Variants in CSMD1 observed in about 807,000 individuals in gnomAD.
CSMD1 encodes CUB and sushi domain-containing protein 1.
CSMD1 carries 213 observed loss-of-function variants against 417.5 expected under a neutral mutation model. The observed-to-expected ratio is 0.51, with a 90% confidence interval of 0.46 to 0.57. CSMD1 has a LOEUF of 0.57. CSMD1 is among the 20% of genes least tolerant of loss of function. The pLI is 0.00. For synonymous variants in CSMD1, 2,862 were observed against 1,736.8 expected, an observed-to-expected ratio of 1.65 and a Z score of -16.11; for missense variants, 6,923 against 4,529.7, an observed-to-expected ratio of 1.53 and a Z score of -15.17.
At chr8:3,344,688 C>G (rs1807875088) in intron 22 of CSMD1, among the ~76,000 whole-genome samples, 1 of 152,170 alleles carries the variant, frequency 6.6e-6, no homozygotes, top group Admixed American at 6.5e-5. Context: ...ATGTGTTTGT[C>G]TATTTTCCCC....
intron 1 of CSMD1, among the ~76,000 whole-genome samples, chr8:4,813,373 G>T (rs372211533): frequency 6.6e-6 from 1 of 151,944 alleles, no homozygotes; most frequent in Non-Finnish European, 1.5e-5. Flanking sequence ...AGAACATAAA[G>T]CTGCCACCAA....
At chr8:3,799,700 T>G (rs549032494) in intron 5 of CSMD1, among the ~76,000 whole-genome samples, 1 of 151,186 alleles carries the variant, frequency 6.6e-6, no homozygotes, top group South Asian at 2.1e-4. Context: ...CAGTTAAGTC[T>G]GCCAGCTGAA....
chr8:3,014,204 A>AAAG (rs1808648109), intron 52 of CSMD1, among the ~76,000 whole-genome samples: 3 of 151,770 alleles, frequency 2.0e-5, no homozygotes, highest in Admixed American at 2.0e-4. Context: ...TTTGATTCAG[A>AAAG]AACATTTCTG....
intron 6 of CSMD1, among the ~76,000 whole-genome samples, chr8:3,721,393 T>A (rs1563309554): frequency 6.6e-6 from 1 of 152,170 alleles, no homozygotes; most frequent in Non-Finnish European, 1.5e-5. Flanking sequence ...CCCAGGTTTT[T>A]AGGATCAGTC....
chr8:4,168,157 ACAC>A, intron 3 of CSMD1, among the ~76,000 whole-genome samples: 1 of 151,232 alleles, frequency 6.6e-6, no homozygotes, highest in Admixed American at 6.6e-5. Context: ...ACACACACAC[ACAC>A]ACACACACAC....
intron 3 of CSMD1, among the ~76,000 whole-genome samples, chr8:4,356,200 A>G (rs571807748): frequency 2.0e-5 from 3 of 152,294 alleles, no homozygotes; most frequent in African/African-American, 4.8e-5. Flanking sequence ...GTGGGAAGAT[A>G]CAATGTTTGG....
chr8:4,875,042 G>A (rs900386103), intron 1 of CSMD1, among the ~76,000 whole-genome samples: 1 of 142,878 alleles, frequency 7.0e-6, no homozygotes, highest in Non-Finnish European at 1.5e-5. Flanking sequence ...CTCCCTCTCT[G>A]TCTTTCTTTC....
chr8:3,856,846 G>C (rs986967226), intron 5 of CSMD1, among the ~76,000 whole-genome samples: 1 of 152,158 alleles, frequency 6.6e-6, no homozygotes, highest in African/African-American at 2.4e-5. Flanking sequence ...AGGCAACTGA[G>C]CCACAGCAGA....
intron 11 of CSMD1, among the ~76,000 whole-genome samples, chr8:3,481,805 C>G (rs896129735): frequency 6.6e-6 from 1 of 152,068 alleles, no homozygotes; most frequent in African/African-American, 2.4e-5. Flanking sequence ...TGAATTCTTC[C>G]CCAGGGCCTT....
At chr8:3,161,558 A>C (rs1200690558) in intron 38 of CSMD1, among the ~76,000 whole-genome samples, 1 of 147,238 alleles carries the variant, frequency 6.8e-6, no homozygotes, top group Admixed American at 7.0e-5. Flanking sequence ...CGGAGCTTGC[A>C]GTGAGCCAAG....
chr8:4,066,844 C>A (rs946442418), intron 3 of CSMD1, among the ~76,000 whole-genome samples: 1 of 152,212 alleles, frequency 6.6e-6, no homozygotes, highest in Non-Finnish European at 1.5e-5. Context: ...CAAACACACA[C>A]AGTAGCCTTG....
chr8:3,511,671 T>A (rs1447742837), intron 10 of CSMD1, among the ~76,000 whole-genome samples: 2 of 149,262 alleles, frequency 1.3e-5, no homozygotes, highest in Non-Finnish European at 2.9e-5. Flanking sequence ...GGCAGGAGAA[T>A]CCCTTGAACT....
At chr8:3,100,603 C>T (rs140061661) in intron 46 of CSMD1, among the ~76,000 whole-genome samples, 2 of 152,270 alleles carry the variant, frequency 1.3e-5, no homozygotes, top group South Asian at 2.1e-4. Context: ...CAAAAACACA[C>T]GTGAAAGCTT....
rs1163101087 is a variant in CSMD1, at chr8:4,193,178, C to A, written c.416-161079G>T. On this transcript the variant is annotated intron_variant, in intron 3 of 69. Transcript: ENST00000635120. ...TTGCCCAGTACCATGCATTTAACCT[C>A]AGCTCTTTGGAGTCATAAGCAGGGC... is the stretch of plus-strand genomic sequence containing the variant. 2.6e-5 allele frequency among the ~76,000 whole-genome samples: 4 copies of A among 152,198 alleles called. No individual in the cohort carries two copies. In the East Asian group the frequency reaches 5.8e-4, roughly 22 times the overall value.
At chr8:3,426,460 A>C (rs749021520) in intron 12 of CSMD1, among the ~76,000 whole-genome samples, 1 of 152,148 alleles carries the variant, frequency 6.6e-6, no homozygotes, top group Non-Finnish European at 1.5e-5. Context: ...AAATCAATTA[A>C]TGGAAAAGGA....
intron 3 of CSMD1, among the ~76,000 whole-genome samples, chr8:4,131,266 C>G (rs1004917656): frequency 6.6e-6 from 1 of 151,236 alleles, no homozygotes; most frequent in African/African-American, 2.4e-5. Flanking sequence ...AGGAGATGAA[C>G]TGTAGGAACT....
intron 3 of CSMD1, among the ~76,000 whole-genome samples, chr8:4,230,350 C>T (rs900780040): frequency 2.6e-5 from 4 of 152,068 alleles, no homozygotes; most frequent in African/African-American, 7.2e-5. Flanking sequence ...CAAATCAAGC[C>T]GAGTAAACTC....
At chr8:3,740,222 C>G (rs112084288) in intron 6 of CSMD1, among the ~76,000 whole-genome samples, 1,625 of 152,288 alleles carry the variant, frequency 0.011, 36 homozygotes, top group African/African-American at 0.037. Flanking sequence ...TCTCCTGCCT[C>G]AGCCTCCCAA....
intron 5 of CSMD1, among the ~76,000 whole-genome samples, chr8:3,774,730 T>C (rs1339694358): frequency 6.6e-6 from 1 of 152,120 alleles, no homozygotes; most frequent in African/African-American, 2.4e-5. Context: ...CTCTCAAATT[T>C]TGGTGAAAGG....
Sources: allele counts gnomAD v4.1 joint callset (sites outside exome capture counted in the v4.1 genomes callset), GRCh38; gene constraint gnomAD v4.1.1; transcripts MANE v1.5; gene names NCBI Gene and HGNC (gene_info 2026-07-23, HGNC 2026-07-21).